The following AKAP13 variants were observed in gnomAD, a reference collection of about 807,000 sequenced individuals.
AKAP13 encodes the protein A-kinase anchoring protein 13.
A neutral mutation model predicts 264.5 loss-of-function variants in AKAP13; 80 were observed. That is an observed-to-expected ratio of 0.30 (90% confidence interval 0.25 to 0.36). The LOEUF is 0.36. Ranked by LOEUF, AKAP13 falls within the 10% of genes least tolerant of loss-of-function variation. The pLI is 1.00. For synonymous variants in AKAP13, 1,380 were observed against 1,250.2 expected (o/e 1.10, Z -2.19); for missense variants, 3,712 against 3,435.2 (o/e 1.08, Z -2.01).
chr15:85,609,955 C>T (rs2080527586), intron 8 of AKAP13, among the ~76,000 whole-genome samples: 1 of 152,184 alleles, frequency 6.6e-6, no homozygotes, highest in African/African-American at 2.4e-5. Flanking sequence ...CCTACCCAAG[C>T]TGTCTTGTGT....
chr15:85,419,180 G>A (rs1442949468), intron 1 of AKAP13, among the ~76,000 whole-genome samples: 1 of 152,148 alleles, frequency 6.6e-6, no homozygotes, highest in African/African-American at 2.4e-5. Flanking sequence ...ATCATCATAG[G>A]ATTTGTAAAA....
In AKAP13 at chr15:85,555,382, C is replaced by T; in HGVS notation, c.662+11427C>T. The T allele has an allele frequency of 2.4e-6, 3 of 1,259,880 alleles. No homozygotes were observed. The South Asian group carries it at 3.7e-5, about 16-fold the overall frequency. 78.0% of individuals were successfully genotyped at this position (1,259,880 alleles called of 1,614,324 possible). A position where few individuals can be genotyped will look rare whatever the true frequency, so the allele number is the denominator to read the frequency against. On this transcript the variant is annotated intron_variant, in intron 5 of 36. Coordinates refer to ENST00000394518, the MANE Select transcript of AKAP13 (RefSeq NM_007200.5). ...AGAAGTAAACTTGGAGCGAAACACG[C>T]CTTTAGGAGGGGTAACCAGGCTGCT...
intron 2 of AKAP13, among the ~76,000 whole-genome samples, chr15:85,509,569 G>C (rs1030302054): frequency 6.6e-6 from 1 of 151,950 alleles, no homozygotes; most frequent in Non-Finnish European, 1.5e-5. Flanking sequence ...GGAGCCTTGG[G>C]GTACTGCTTT....
intron 2 of AKAP13, among the ~76,000 whole-genome samples, chr15:85,511,275 C>G (rs752789561): frequency 7.9e-5 from 12 of 152,150 alleles, no homozygotes; most frequent in Non-Finnish European, 1.6e-4. Context: ...TTACTGCCTT[C>G]CCTTGCTGGA....
At chr15:85,604,576 G>A (rs2080239008) in intron 8 of AKAP13, among the ~76,000 whole-genome samples, 1 of 151,552 alleles carries the variant, frequency 6.6e-6, no homozygotes, top group South Asian at 2.1e-4. Context: ...CAATTCTCCT[G>A]CCTCAGCCTC....
intron 5 of AKAP13, among the ~76,000 whole-genome samples, chr15:85,553,900 TA>T (rs1192386805): frequency 6.6e-6 from 1 of 152,220 alleles, no homozygotes; most frequent in Non-Finnish European, 1.5e-5. Context: ...TATGAGAATC[TA>T]ATGCCTGATG....
At chr15:85,437,553 T>C (rs1299374544) in intron 1 of AKAP13, among the ~76,000 whole-genome samples, 1 of 151,878 alleles carries the variant, frequency 6.6e-6, no homozygotes, top group Non-Finnish European at 1.5e-5. Flanking sequence ...TTGATGAACA[T>C]TGATGCAAAA....
intron 17 of AKAP13, among the ~76,000 whole-genome samples, chr15:85,704,056 C>G (rs1353881141): frequency 6.6e-6 from 1 of 152,042 alleles, no homozygotes; most frequent in Non-Finnish European, 1.5e-5. Context: ...GAAAGTTGTG[C>G]ATTTCTATCC....
At position 85,741,320 on chromosome 15, in the gene AKAP13, A is replaced by G; in HGVS notation, c.7883A>G (p.Gln2628Arg). Residue 2628 changes from glutamine (Q) to arginine (R), a missense_variant, in exon 35 of 37, where the codon CAG becomes CGG. By Grantham distance (43) the Gln-to-Arg change is conservative. Coordinates refer to ENST00000394518, the MANE Select transcript of AKAP13 (RefSeq NM_007200.5). ...LLAQREEEVQ[Q>R]GQQDLEKERE... is the part of the protein sequence containing the mutation. ...GCCCAGCGCGAGGAGGAGGTGCAGC[A>G]GGGGCAGCAGGACCTGGAAAAGGAG... 1 of 1,613,152 alleles carries G rather than the reference A, an allele frequency of 6.2e-7. No homozygotes were observed. The highest frequency in any genetic ancestry group is 2.2e-5 in the East Asian group (1 of 44,822).
intron 1 of AKAP13, among the ~76,000 whole-genome samples, chr15:85,402,563 A>G (rs1164726356): frequency 6.6e-6 from 1 of 152,246 alleles, no homozygotes; most frequent in Non-Finnish European, 1.5e-5. Context: ...AAGCAATTAG[A>G]AATTAAAATA....
At chr15:85,583,478 T>C (rs867087088) in intron 7 of AKAP13, among the ~76,000 whole-genome samples, 1 of 152,254 alleles carries the variant, frequency 6.6e-6, no homozygotes, top group African/African-American at 2.4e-5. Context: ...AGATACTTGC[T>C]GGCTGTTGTC....
At chr15:85,403,068 G>A (rs1350220233) in intron 1 of AKAP13, among the ~76,000 whole-genome samples, 1 of 151,998 alleles carries the variant, frequency 6.6e-6, no homozygotes, top group Admixed American at 6.6e-5. Context: ...TGATTATATT[G>A]TATATACCAT....
At chr15:85,392,706 C>G (rs1348134820) in intron 1 of AKAP13, among the ~76,000 whole-genome samples, 1 of 152,110 alleles carries the variant, frequency 6.6e-6, no homozygotes, top group African/African-American at 2.4e-5. Flanking sequence ...GCACCTGGCT[C>G]TGGGTGGTTT....
chr15:85,565,456 C>T (rs1234331573), intron 5 of AKAP13, among the ~76,000 whole-genome samples: 2 of 152,146 alleles, frequency 1.3e-5, no homozygotes, highest in Non-Finnish European at 2.9e-5. Flanking sequence ...GATTTGGTTA[C>T]AATATAATCT....
At chr15:85,480,246 A>C (rs1270748982) in intron 1 of AKAP13, among the ~76,000 whole-genome samples, 1 of 152,210 alleles carries the variant, frequency 6.6e-6, no homozygotes, top group African/African-American at 2.4e-5. Flanking sequence ...TATTTTAAGA[A>C]GTTACCAGAA....
intron 1 of AKAP13, among the ~76,000 whole-genome samples, chr15:85,403,437 C>T (rs1172719763): frequency 6.6e-6 from 1 of 152,160 alleles, no homozygotes; most frequent in South Asian, 2.1e-4. Flanking sequence ...ATTTCTAGTT[C>T]TCCTTTTTGC....
At chr15:85,662,090 T>C (rs1261974244) in intron 12 of AKAP13, among the ~76,000 whole-genome samples, 3 of 152,178 alleles carry the variant, frequency 2.0e-5, no homozygotes, top group African/African-American at 7.2e-5. Flanking sequence ...AAGCCATAGG[T>C]AGTTGCCACA....
chr15:85,502,280 A>G (rs988308619), intron 2 of AKAP13, among the ~76,000 whole-genome samples: 1 of 152,220 alleles, frequency 6.6e-6, no homozygotes, highest in Non-Finnish European at 1.5e-5. Flanking sequence ...ATAGGGTAGT[A>G]TGTATATTAC....
At chr15:85,385,739 A>G (rs971492578) in intron 1 of AKAP13, among the ~76,000 whole-genome samples, 9 of 152,360 alleles carry the variant, frequency 5.9e-5, no homozygotes, top group Non-Finnish European at 8.8e-5. Context: ...TGCTTAAAAA[A>G]TGAGTTTTTG....
Sources: allele counts gnomAD v4.1 joint callset (sites outside exome capture counted in the v4.1 genomes callset), GRCh38; gene constraint gnomAD v4.1.1; transcripts MANE v1.5; gene names NCBI Gene and HGNC (gene_info 2026-07-23, HGNC 2026-07-21).